The following CD1B variants were observed in gnomAD, a reference collection of about 807,000 sequenced individuals.
CD1B encodes the protein T-cell surface glycoprotein CD1b.
In CD1B, 43 loss-of-function variants were observed where a neutral mutation model predicts 39.8. The observed-to-expected ratio is 1.08, with a 90% confidence interval of 0.85 to 1.39. The LOEUF is 1.39. Ranked by LOEUF, CD1B falls within the 40% of genes most tolerant of loss-of-function variation. CD1B has a pLI of 0.00. For synonymous variants in CD1B, 192 were observed against 152.5 expected (o/e 1.26, Z -1.91); for missense variants, 495 against 403.8 (o/e 1.23, Z -1.94).
the CD1B span, among the ~76,000 whole-genome samples, chr1:158,307,436 T>C: frequency 6.6e-6 from 1 of 152,092 alleles, no homozygotes; most frequent in East Asian, 1.9e-4. Flanking sequence ...ATTGAGGCAA[T>C]AATTAATAGC....
At chr1:158,301,426 T>A in the CD1B span, among the ~76,000 whole-genome samples, 342 of 152,304 alleles carry the variant, frequency 2.2e-3, 2 homozygotes, top group African/African-American at 8.0e-3. Context: ...TGTCTGGTAC[T>A]GGTTGTTTCT....
the CD1B span, among the ~76,000 whole-genome samples, chr1:158,316,297 T>C: frequency 6.6e-6 from 1 of 152,064 alleles, no homozygotes; most frequent in Non-Finnish European, 1.5e-5. Flanking sequence ...GAGCATGGAA[T>C]GTTCTTCCAT....
chr1:158,314,445 T>C, the CD1B span, among the ~76,000 whole-genome samples: 1 of 152,124 alleles, frequency 6.6e-6, no homozygotes, highest in African/African-American at 2.4e-5. Flanking sequence ...TTTTTAAGGC[T>C]CTATTTAATT....
chr1:158,302,232 T>C, the CD1B span, among the ~76,000 whole-genome samples: 3 of 152,142 alleles, frequency 2.0e-5, no homozygotes, highest in African/African-American at 7.2e-5. Context: ...CAGGAAATTG[T>C]TCTAACAAAT....
In CD1B at chr1:158,331,398, A is replaced by C. The variant is rs1652599226; in HGVS notation, c.26T>G (p.Leu9Ter). The change falls in exon 1 of 6, where the codon TTA (leucine) becomes TGA (stop). Residue 9 changes from leucine (L) to a stop codon, truncating the protein, a stop_gained. Coordinates refer to ENST00000368168, the MANE Select transcript of CD1B (RefSeq NM_001764.3). LOFTEE classifies it high-confidence loss of function. MLLLPFQL[L>*]AVLFPGGNSE... is the part of the protein sequence containing the mutation. ...GTTACCACCAGGAAAGAGAACAGCT[A>C]ACAGTTGAAATGGCAGCAGCAGCAT... The C allele has an allele frequency of 5.0e-6, 8 of 1,614,106 alleles. No individual in the cohort carries two copies. Among genetic ancestry groups the C allele is most frequent in the Non-Finnish European group, 6.8e-6 (8 of 1,179,952 alleles).
the CD1B span, among the ~76,000 whole-genome samples, chr1:158,307,888 G>A: frequency 8.6e-3 from 1,304 of 152,232 alleles, 14 homozygotes; most frequent in South Asian, 0.021. Flanking sequence ...ATACTGAATG[G>A]GCAAAACCTG....
At chr1:158,293,371 C>A in the CD1B span, 10 of 1,594,114 alleles carry the variant, frequency 6.3e-6, no homozygotes, top group Middle Eastern at 1.7e-4. Flanking sequence ...ACTCTCTTAG[C>A]TTTTCTCTAT....
the CD1B span, chr1:158,290,021 T>G: frequency 6.3e-7 from 1 of 1,585,902 alleles, no homozygotes; most frequent in Non-Finnish European, 8.7e-7. Flanking sequence ...AGAACAGAGA[T>G]CAGCAAACAG....
At chr1:158,291,965 C>G in the CD1B span, 1 of 959,662 alleles carries the variant, frequency 1.0e-6, no homozygotes, top group Non-Finnish European at 1.6e-6. Context: ...ATGTCTTTGG[C>G]TCACTCTCAC....
At chr1:158,293,092 C>A in the CD1B span, 1 of 944,740 alleles carries the variant, frequency 1.1e-6, no homozygotes, top group Non-Finnish European at 1.6e-6. Context: ...AATAGAGTGA[C>A]TGAAATAGGA....
chr1:158,306,382 A>G, the CD1B span, among the ~76,000 whole-genome samples: 3 of 152,244 alleles, frequency 2.0e-5, no homozygotes, highest in Non-Finnish European at 4.4e-5. Flanking sequence ...AGAGCTAACT[A>G]TCCTAAATAT....
chr1:158,300,078 T>G, the CD1B span, among the ~76,000 whole-genome samples: 1 of 152,214 alleles, frequency 6.6e-6, no homozygotes, highest in African/African-American at 2.4e-5. Context: ...AATGTGATGT[T>G]AGGTGTCAAT....
At chr1:158,324,149 C>T (rs1338065184), downstream of CD1B, among the ~76,000 whole-genome samples, 2 of 152,272 alleles carry the variant, frequency 1.3e-5, no homozygotes, top group African/African-American at 2.4e-5. Flanking sequence ...CTCCTAGACA[C>T]ATTGGTAGAT....
the CD1B span, among the ~76,000 whole-genome samples, chr1:158,320,788 T>C: frequency 6.6e-6 from 1 of 152,222 alleles, no homozygotes; most frequent in African/African-American, 2.4e-5. Flanking sequence ...TTCAGCTGTA[T>C]GTTGTCTAAT....
At position 158,330,851 on chromosome 1, in the gene CD1B, G is replaced by A; in HGVS notation, c.273C>T (p.Tyr91=). Residue 91 remains tyrosine, a synonymous_variant, in exon 2 of 6, where the codon TAC becomes TAT. Transcript: ENST00000368168. ...GTACTTCTCGAGCGAATCCAAAGATGTAGACTCGGAATATCTCCTCTAACT... is the reference window on the plus strand; with the variant it reads ...GTACTTCTCGAGCGAATCCAAAGATATAGACTCGGAATATCTCCTCTAACT... The part of the protein sequence containing the change: ...VAELEEIFRV[Y]IFGFAREVQD... 6.2e-7 allele frequency: 1 copy of A among 1,614,084 alleles called. No individual in the cohort carries two copies. The highest frequency in any genetic ancestry group is 8.5e-7 in the Non-Finnish European group (1 of 1,179,968).
chr1:158,293,569 TA>T, the CD1B span: 2 of 1,613,892 alleles, frequency 1.2e-6, no homozygotes, highest in Non-Finnish European at 1.7e-6. Context: ...ACTCTCCATT[TA>T]AATTGTTTCT....
the CD1B span, among the ~76,000 whole-genome samples, chr1:158,298,790 G>C: frequency 6.6e-6 from 1 of 152,256 alleles, no homozygotes; most frequent in South Asian, 2.1e-4. Flanking sequence ...GTGAATGGGA[G>C]TTCACTCATG....
chr1:158,326,851 C>T (rs904896814), downstream of CD1B, among the ~76,000 whole-genome samples: 15 of 152,170 alleles, frequency 9.9e-5, no homozygotes, highest in African/African-American at 3.4e-4. Context: ...GGCTGGAGTG[C>T]AGTGGCACAA....
the CD1B span, among the ~76,000 whole-genome samples, chr1:158,318,172 A>C: frequency 2.0e-5 from 3 of 152,156 alleles, no homozygotes; most frequent in Admixed American, 2.0e-4. Flanking sequence ...GTAGATGTCT[A>C]TTAGGTCCGC....
Sources: allele counts gnomAD v4.1 joint callset (sites outside exome capture counted in the v4.1 genomes callset), GRCh38; gene constraint gnomAD v4.1.1; transcripts MANE v1.5; gene names NCBI Gene and HGNC (gene_info 2026-07-23, HGNC 2026-07-21).